EBF1: variants seen among roughly 807,000 people sequenced by gnomAD.
EBF1 encodes the protein transcription factor COE1.
A neutral mutation model predicts 68.4 loss-of-function variants in EBF1; 10 were observed. The observed-to-expected ratio is 0.15, with a 90% CI of 0.09 to 0.25. The LOEUF is 0.25. Ranked by LOEUF, EBF1 falls within the 10% of genes least tolerant of loss-of-function variation. The pLI is 1.00. For missense variants in EBF1, 509 were observed against 794.4 expected (o/e 0.64, Z 4.32); for synonymous variants, 298 against 299.8 (o/e 0.99, Z 0.06).
chr5:158,829,151 A>T (rs193271239), intron 7 of EBF1, among the ~76,000 whole-genome samples: 97 of 152,300 alleles, frequency 6.4e-4, no homozygotes, highest in Middle Eastern at 3.4e-3. Flanking sequence ...ATGTACACAC[A>T]AACAGTGAAC....
At chr5:158,923,700 C>T (rs1351458959) in intron 6 of EBF1, among the ~76,000 whole-genome samples, 2 of 152,198 alleles carry the variant, frequency 1.3e-5, no homozygotes, top group Non-Finnish European at 2.9e-5. Flanking sequence ...GGACAAGCCA[C>T]GCCTCTTCTG....
chr5:158,840,204 T>C (rs1789899511), intron 6 of EBF1, 94 bp from the exon 7 acceptor site: 2 of 862,424 alleles, frequency 2.3e-6, no homozygotes, highest in South Asian at 1.5e-5. Context: ...CATTCGATTC[T>C]CTTTACATGT....
chr5:158,721,459 A>AT (rs1761921448), intron 11 of EBF1, among the ~76,000 whole-genome samples: 1 of 152,194 alleles, frequency 6.6e-6, no homozygotes, highest in African/African-American at 2.4e-5. Context: ...TGAACAAGAG[A>AT]TTTTGTCTGA....
rs577847546 is a variant in EBF1 at position 158,869,217 on chromosome 5, A to G, written c.555-29107T>C. On this transcript the variant is annotated intron_variant, in intron 6 of 15. Transcript: ENST00000313708. The stretch of plus-strand genomic sequence containing the variant: ...GCTCTGGTTGCTCTATAAAGATATC[A>G]ACCCAGGAGGAGACAGCTGAAAAGT... Among the ~76,000 whole-genome samples the G allele has an allele frequency of 1.5e-3, 228 of 152,274 alleles. 1 individual carries two copies. Among genetic ancestry groups the G allele is most frequent in the Non-Finnish European group, 4.0e-4 (27 of 68,024 alleles).
intron 6 of EBF1, among the ~76,000 whole-genome samples, chr5:159,044,974 A>G (rs1227218430): frequency 6.6e-6 from 1 of 152,238 alleles, no homozygotes; most frequent in Non-Finnish European, 1.5e-5. Context: ...GGAAAATATT[A>G]AACAACCTTA....
At chr5:158,844,250 T>C (rs990622098) in intron 6 of EBF1, among the ~76,000 whole-genome samples, 2 of 151,514 alleles carry the variant, frequency 1.3e-5, no homozygotes, top group Admixed American at 1.3e-4. Flanking sequence ...CATCTTTCTG[T>C]TAACTTTCAG....
At chr5:159,014,317 A>G (rs1487084254) in intron 6 of EBF1, among the ~76,000 whole-genome samples, 2 of 152,236 alleles carry the variant, frequency 1.3e-5, no homozygotes, top group African/African-American at 4.8e-5. Context: ...TCTAGTGACT[A>G]TGTTACCATG....
chr5:158,824,720 T>G (rs896669989), intron 7 of EBF1, among the ~76,000 whole-genome samples: 19 of 152,230 alleles, frequency 1.2e-4, no homozygotes, highest in African/African-American at 4.6e-4. Flanking sequence ...TCAGCTAAGC[T>G]GGGCAGAGGG....
chr5:159,073,499 A>G (rs1778197184), intron 5 of EBF1, 35 bp from the exon 6 acceptor site: 1 of 1,611,772 alleles, frequency 6.2e-7, no homozygotes, highest in Non-Finnish European at 8.5e-7. Flanking sequence ...TAGTACAACC[A>G]TTACAATGTA....
chr5:159,084,131 T>A (rs1780212309), intron 5 of EBF1, among the ~76,000 whole-genome samples: 1 of 151,886 alleles, frequency 6.6e-6, no homozygotes, highest in Non-Finnish European at 1.5e-5. Context: ...TTGTCAGAGT[T>A]ATATATAGGG....
intron 6 of EBF1, among the ~76,000 whole-genome samples, chr5:158,879,231 C>G (rs1798375321): frequency 6.6e-6 from 1 of 152,138 alleles, no homozygotes; most frequent in South Asian, 2.1e-4. Context: ...GATCAATGAT[C>G]ACAATGGTGA....
intron 6 of EBF1, among the ~76,000 whole-genome samples, chr5:158,990,302 G>C (rs1412151174): frequency 6.6e-6 from 1 of 152,230 alleles, no homozygotes; most frequent in East Asian, 1.9e-4. Flanking sequence ...GCAACATTCA[G>C]CAATCCTGGC....
At chr5:158,983,150 G>A (rs1470562089) in intron 6 of EBF1, 1 of 152,052 alleles carries the variant, frequency 6.6e-6, no homozygotes, top group Admixed American at 6.6e-5. Context: ...CCCAGAAGGT[G>A]GTAAAATAGT....
At chr5:159,060,933 TACACACACACACAC>T (rs72070397) in intron 6 of EBF1, among the ~76,000 whole-genome samples, 1,512 of 143,786 alleles carry the variant, frequency 0.011, 36 homozygotes, top group African/African-American at 0.038. Flanking sequence ...TAAAGCTACA[TACACACACACACAC>T]ACACACACAC....
chr5:158,855,627 T>C lies in EBF1; in HGVS notation c.555-15517A>G, dbSNP rs143338002. Among the ~76,000 whole-genome samples, 187 of 152,308 alleles carry C rather than the reference T, an allele frequency of 1.2e-3. 1 individual carries two copies. Among genetic ancestry groups the C allele is most frequent in the East Asian group, 1.9e-3 (10 of 5,190 alleles). ...TCCTACCTCAGTGATCCCCCTCTCA[T>C]TCCCCATCATCGTCATACCCAGATC... On this transcript the variant is annotated intron_variant, in intron 6 of 15. Transcript: ENST00000313708.
intron 10 of EBF1, among the ~76,000 whole-genome samples, chr5:158,751,953 G>C (rs915596390): frequency 1.3e-5 from 2 of 152,104 alleles, no homozygotes; most frequent in East Asian, 3.9e-4. Context: ...TACTGCCAAA[G>C]ATCTGTCCAT....
intron 6 of EBF1, among the ~76,000 whole-genome samples, chr5:158,928,643 C>T (rs1165311899): frequency 6.6e-6 from 1 of 152,180 alleles, no homozygotes; most frequent in East Asian, 1.9e-4. Flanking sequence ...GATTTACTGT[C>T]TTTCAAGCCG....
chr5:158,790,119 C>T (rs552208735), intron 9 of EBF1, among the ~76,000 whole-genome samples: 9 of 152,234 alleles, frequency 5.9e-5, no homozygotes, highest in South Asian at 2.1e-4. Context: ...ATAAAGACAA[C>T]GAGGAGAACC....
intron 8 of EBF1, among the ~76,000 whole-genome samples, chr5:158,804,548 A>T (rs1354930764): frequency 6.6e-6 from 1 of 152,106 alleles, no homozygotes; most frequent in Non-Finnish European, 1.5e-5. Context: ...ACACGGGGTT[A>T]TTTGACAATT....
Sources: allele counts gnomAD v4.1 joint callset (sites outside exome capture counted in the v4.1 genomes callset), GRCh38; gene constraint gnomAD v4.1.1; transcripts MANE v1.5; gene names NCBI Gene and HGNC (gene_info 2026-07-23, HGNC 2026-07-21).